ZNF385D: variants seen among roughly 807,000 people sequenced by gnomAD.
ZNF385D encodes the protein zinc finger protein 659.
Under a neutral mutation model 35.8 loss-of-function variants are expected in ZNF385D, and 15 were observed. The observed-to-expected ratio is 0.42, with a 90% confidence interval of 0.28 to 0.64. The LOEUF is 0.64. Ranked by LOEUF, ZNF385D falls within the 30% of genes least tolerant of loss-of-function variation. The pLI, the probability that ZNF385D is intolerant of heterozygous loss-of-function variation, is 0.23. For synonymous variants in ZNF385D, 212 were observed against 186.8 expected, an observed-to-expected ratio of 1.13 and a Z score of -1.10; for missense variants, 474 against 494.6, an observed-to-expected ratio of 0.96 and a Z score of 0.39.
intron 2 of ZNF385D, among the ~76,000 whole-genome samples, chr3:22,328,919 C>CAA (rs549156836): frequency 5.3e-5 from 8 of 150,848 alleles, no homozygotes; most frequent in African/African-American, 2.0e-4. Flanking sequence ...ACTAAAAATA[C>CAA]AAAAAAAATT....
At chr3:21,482,076 C>T (rs1394110026) in intron 4 of ZNF385D, among the ~76,000 whole-genome samples, 3 of 152,104 alleles carry the variant, frequency 2.0e-5, no homozygotes, top group African/African-American at 7.2e-5. Context: ...GAGGACAGAA[C>T]TGAGTCCAAT....
At chr3:21,710,391 T>C (rs1420481334) in intron 1 of ZNF385D, among the ~76,000 whole-genome samples, 2 of 152,210 alleles carry the variant, frequency 1.3e-5, no homozygotes, top group African/African-American at 4.8e-5. Flanking sequence ...TAAGATTACC[T>C]GTGTAATTCC....
chr3:22,308,923 G>A (rs1471561802), intron 2 of ZNF385D, among the ~76,000 whole-genome samples: 1 of 151,970 alleles, frequency 6.6e-6, no homozygotes, highest in Non-Finnish European at 1.5e-5. Flanking sequence ...TGAAAAATTT[G>A]CTTTATAATT....
At chr3:21,975,985 G>C (rs1026799605) in intron 3 of ZNF385D, among the ~76,000 whole-genome samples, 6 of 151,966 alleles carry the variant, frequency 3.9e-5, no homozygotes, top group Non-Finnish European at 7.4e-5. Flanking sequence ...CAGTTCTAGG[G>C]AGACCAGACT....
intron 5 of ZNF385D, among the ~76,000 whole-genome samples, chr3:21,430,730 C>G (rs1701256227): frequency 6.6e-6 from 1 of 152,114 alleles, no homozygotes; most frequent in Admixed American, 6.6e-5. Context: ...CATTTCTTCT[C>G]CTTAAAAACA....
chr3:22,258,452 A>G (rs1308390538), intron 2 of ZNF385D, among the ~76,000 whole-genome samples: 4 of 151,812 alleles, frequency 2.6e-5, no homozygotes, highest in Admixed American at 2.6e-4. Context: ...ATACAAATGT[A>G]CTCTGTATAA....
chr3:22,043,756 A>T (rs1174338936), intron 3 of ZNF385D, among the ~76,000 whole-genome samples: 1 of 152,116 alleles, frequency 6.6e-6, no homozygotes, highest in Non-Finnish European at 1.5e-5. Flanking sequence ...TAACTAATAC[A>T]ATACGGTAAA....
At chr3:21,559,463 T>A (rs1477801149) in intron 3 of ZNF385D, among the ~76,000 whole-genome samples, 1 of 151,930 alleles carries the variant, frequency 6.6e-6, no homozygotes, top group Non-Finnish European at 1.5e-5. Context: ...AACATTCTTT[T>A]CTTTAAGAAT....
Position 21,418,994 on chromosome 3 carries a change from T to C in ZNF385D, c.*2220A>G, listed in dbSNP as rs906752475. On this transcript the variant is annotated 3_prime_UTR_variant, in exon 8 of 8. Coordinates refer to ENST00000281523, the MANE Select transcript of ZNF385D (RefSeq NM_024697.3). ...TGAAAAAGGAAACACTTGCTAAAACTAGAGAATAGAGATGCTGGTAAATGC... is the reference window on the plus strand; with the variant it reads ...TGAAAAAGGAAACACTTGCTAAAACCAGAGAATAGAGATGCTGGTAAATGC... The C allele has an allele frequency of 9.2e-5, 14 of 152,126 alleles. No homozygotes were observed. Among genetic ancestry groups the C allele is most frequent in the African/African-American group, 3.1e-4 (13 of 41,426 alleles). The allele number at this position is 152,126 out of a possible 1,614,324, so 9.4% of individuals were successfully genotyped here.
chr3:21,696,926 T>C (rs1198054585), intron 1 of ZNF385D, among the ~76,000 whole-genome samples: 1 of 152,252 alleles, frequency 6.6e-6, no homozygotes, highest in African/African-American at 2.4e-5. Flanking sequence ...CCTGTTAATA[T>C]TTCTTTGTTT....
At chr3:21,547,482 C>T (rs2062417022) in intron 3 of ZNF385D, among the ~76,000 whole-genome samples, 1 of 152,114 alleles carries the variant, frequency 6.6e-6, no homozygotes, top group African/African-American at 2.4e-5. Context: ...ATAGCCCCTT[C>T]TGCTGGGACC....
At chr3:22,138,987 C>T (rs1484757938) in intron 3 of ZNF385D, among the ~76,000 whole-genome samples, 2 of 152,204 alleles carry the variant, frequency 1.3e-5, no homozygotes, top group East Asian at 1.9e-4. Flanking sequence ...AACAAACAAC[C>T]CCATCAAAAA....
chr3:21,682,865 A>G (rs2066961906), intron 1 of ZNF385D, among the ~76,000 whole-genome samples: 1 of 149,996 alleles, frequency 6.7e-6, no homozygotes, highest in Admixed American at 6.6e-5. Context: ...AAATGGGCAT[A>G]CCTATGTACC....
intron 3 of ZNF385D, among the ~76,000 whole-genome samples, chr3:21,985,296 T>C: frequency 1.0e-5 from 1 of 96,944 alleles, no homozygotes; most frequent in Non-Finnish European, 2.1e-5. Context: ...TGATATTGGC[T>C]GTGGGTTTGT....
intron 3 of ZNF385D, among the ~76,000 whole-genome samples, chr3:21,968,989 T>C (rs575722154): frequency 2.9e-4 from 44 of 152,258 alleles, no homozygotes; most frequent in African/African-American, 1.0e-3. Context: ...GGAGAACCCA[T>C]TCTCCTGAGA....
chr3:21,458,425 T>G (rs1405198804), intron 4 of ZNF385D, among the ~76,000 whole-genome samples: 1 of 151,270 alleles, frequency 6.6e-6, no homozygotes, highest in Non-Finnish European at 1.5e-5. Flanking sequence ...GACACTGCAG[T>G]AAGCCAAGAT....
At chr3:21,683,993 A>G (rs1247425552) in intron 1 of ZNF385D, among the ~76,000 whole-genome samples, 1 of 150,170 alleles carries the variant, frequency 6.7e-6, no homozygotes, top group Non-Finnish European at 1.5e-5. Flanking sequence ...TCTGACCTAC[A>G]AAACTATAAG....
chr3:21,573,905 C>A (rs1183456568), intron 2 of ZNF385D, among the ~76,000 whole-genome samples: 2 of 151,694 alleles, frequency 1.3e-5, no homozygotes, highest in East Asian at 3.9e-4. Flanking sequence ...ACTAAAAATA[C>A]AAAAATTAGC....
intron 1 of ZNF385D, among the ~76,000 whole-genome samples, chr3:21,683,950 G>C (rs1394754398): frequency 6.7e-6 from 1 of 150,128 alleles, no homozygotes; most frequent in African/African-American, 2.5e-5. Context: ...ATGATACCCT[G>C]AACAGAGAAC....
Sources: gnomAD v4.1 joint callset for allele counts (sites outside exome capture counted in the v4.1 genomes callset) on GRCh38, gnomAD v4.1.1 for gene constraint, MANE v1.5 for transcripts, NCBI Gene and HGNC (gene_info 2026-07-23, HGNC 2026-07-21) for gene names.